Variants in SCHIP1 observed in about 807,000 individuals in gnomAD.
The protein encoded by SCHIP1 is schwannomin interacting protein 1.
In SCHIP1, 8 loss-of-function variants were observed where a neutral mutation model predicts 29.7. That is an observed-to-expected ratio of 0.27 (90% CI 0.16 to 0.49). The LOEUF (loss-of-function observed/expected upper bound fraction) is 0.49, where lower values mean the gene tolerates loss of function less well. SCHIP1 is among the 20% of genes least tolerant of loss of function. The pLI is 0.99. For missense variants in SCHIP1, 193 were observed against 294.6 expected (o/e 0.66, Z 2.52); for synonymous variants, 76 against 94.9 (o/e 0.80, Z 1.16).
At chr3:159,748,276 T>C in the SCHIP1 span, among the ~76,000 whole-genome samples, 1 of 152,256 alleles carries the variant, frequency 6.6e-6, no homozygotes, top group African/African-American at 2.4e-5. Context: ...TGTCTCAAAA[T>C]TGATGAATCA....
chr3:159,589,723 G>A, the SCHIP1 span, among the ~76,000 whole-genome samples: 1 of 152,152 alleles, frequency 6.6e-6, no homozygotes, highest in Non-Finnish European at 1.5e-5. Flanking sequence ...ATTAGAAATT[G>A]TATAAAAGCC....
chr3:159,627,327 G>T, the SCHIP1 span, among the ~76,000 whole-genome samples: 2 of 152,194 alleles, frequency 1.3e-5, no homozygotes, highest in African/African-American at 4.8e-5. Context: ...CTCTCAAACT[G>T]CATGGTGAGG....
chr3:159,326,349 T>C, the SCHIP1 span, among the ~76,000 whole-genome samples: 1 of 152,202 alleles, frequency 6.6e-6, no homozygotes, highest in African/African-American at 2.4e-5. Context: ...CCTTATTCTA[T>C]TGGCTAAAAT....
At chr3:159,312,031 A>G in the SCHIP1 span, among the ~76,000 whole-genome samples, 1 of 152,324 alleles carries the variant, frequency 6.6e-6, no homozygotes, top group African/African-American at 2.4e-5. Flanking sequence ...CACAACATAA[A>G]AGGGCAAGGA....
chr3:159,407,052 T>C, the SCHIP1 span, among the ~76,000 whole-genome samples: 2 of 152,168 alleles, frequency 1.3e-5, no homozygotes, highest in Non-Finnish European at 2.9e-5. Flanking sequence ...ATAATAACAT[T>C]GAATATAAAT....
At chr3:159,691,242 T>C in the SCHIP1 span, among the ~76,000 whole-genome samples, 2 of 152,186 alleles carry the variant, frequency 1.3e-5, no homozygotes, top group African/African-American at 4.8e-5. Context: ...TGTAGGTCTC[T>C]AAGAACTTGC....
At chr3:159,603,306 C>G in the SCHIP1 span, among the ~76,000 whole-genome samples, 1 of 152,174 alleles carries the variant, frequency 6.6e-6, no homozygotes, top group African/African-American at 2.4e-5. Context: ...CTCACTGAAC[C>G]CTGTCCTTTT....
At chr3:159,511,577 A>G in the SCHIP1 span, among the ~76,000 whole-genome samples, 1 of 151,360 alleles carries the variant, frequency 6.6e-6, no homozygotes, top group Non-Finnish European at 1.5e-5. Context: ...GGAGCTGTAG[A>G]CTGGAGCTGT....
the SCHIP1 span, among the ~76,000 whole-genome samples, chr3:159,391,069 A>G: frequency 6.6e-6 from 1 of 152,160 alleles, no homozygotes; most frequent in African/African-American, 2.4e-5. Flanking sequence ...TTTATGAAAA[A>G]CTGATGTCTT....
At chr3:159,582,367 A>G in the SCHIP1 span, among the ~76,000 whole-genome samples, 1 of 151,672 alleles carries the variant, frequency 6.6e-6, no homozygotes, top group Non-Finnish European at 1.5e-5. Flanking sequence ...ATGTCTTACT[A>G]TGTTGCCAGG....
chr3:159,624,552 C>T, the SCHIP1 span, among the ~76,000 whole-genome samples: 2 of 152,126 alleles, frequency 1.3e-5, no homozygotes, highest in Non-Finnish European at 2.9e-5. Context: ...GGAATAATAA[C>T]TGGGCCTAGA....
chr3:159,805,839 C>T, the SCHIP1 span, among the ~76,000 whole-genome samples: 1 of 146,144 alleles, frequency 6.8e-6, no homozygotes, highest in South Asian at 2.2e-4. Context: ...GAGGGAGTCT[C>T]GCTCTGTCAC....
At chr3:159,592,647 T>C in the SCHIP1 span, among the ~76,000 whole-genome samples, 2 of 151,968 alleles carry the variant, frequency 1.3e-5, no homozygotes, top group African/African-American at 4.8e-5. Flanking sequence ...CCAAGTCCAA[T>C]GTTTCTTTCT....
chr3:159,777,389 C>A, the SCHIP1 span, among the ~76,000 whole-genome samples: 1 of 152,024 alleles, frequency 6.6e-6, no homozygotes, highest in South Asian at 2.1e-4. Context: ...TATTTATTGA[C>A]ACCAGAGTAG....
the SCHIP1 span, among the ~76,000 whole-genome samples, chr3:159,682,603 T>A: frequency 6.6e-6 from 1 of 152,160 alleles, no homozygotes; most frequent in African/African-American, 2.4e-5. Context: ...CCTAGAAGTC[T>A]CCTGAGGACA....
chr3:159,563,386 G>C, the SCHIP1 span, among the ~76,000 whole-genome samples: 14 of 151,872 alleles, frequency 9.2e-5, no homozygotes, highest in Non-Finnish European at 5.9e-5. Flanking sequence ...TCCATGATGA[G>C]AGAACAGATA....
At chr3:159,585,403 C>T in the SCHIP1 span, among the ~76,000 whole-genome samples, 2 of 152,108 alleles carry the variant, frequency 1.3e-5, no homozygotes, top group African/African-American at 4.8e-5. Flanking sequence ...TTTCTTAGAG[C>T]CAATTCTCCT....
At chr3:159,656,675 G>A in the SCHIP1 span, among the ~76,000 whole-genome samples, 3 of 152,268 alleles carry the variant, frequency 2.0e-5, no homozygotes, top group South Asian at 2.1e-4. Context: ...AAAAAATTAA[G>A]TCATAGGAAT....
chr3:159,300,785 T>C, the SCHIP1 span, among the ~76,000 whole-genome samples: 5 of 152,168 alleles, frequency 3.3e-5, no homozygotes, highest in African/African-American at 1.2e-4. Context: ...TCTCAAGCCA[T>C]AATTCCTCCT....
Sources: allele counts gnomAD v4.1 joint callset (sites outside exome capture counted in the v4.1 genomes callset), GRCh38; gene constraint gnomAD v4.1.1; transcripts MANE v1.5; gene names NCBI Gene and HGNC (gene_info 2026-07-23, HGNC 2026-07-21).